KIF3A: variants seen among roughly 807,000 people sequenced by gnomAD.
The protein encoded by KIF3A is kinesin-like protein KIF3A.
Under a neutral mutation model 92.6 loss-of-function variants are expected in KIF3A, and 27 were observed. The ratio of observed to expected loss-of-function variants is 0.29; its 90% CI spans 0.21 to 0.40. The LOEUF is 0.40. Ranked by LOEUF, KIF3A falls within the 10% of genes least tolerant of loss-of-function variation. KIF3A has a pLI of 1.00. For synonymous variants in KIF3A, 250 were observed against 275.4 expected (o/e 0.91, Z 0.92); for missense variants, 581 against 872.6 (o/e 0.67, Z 4.21).
At chr5:132,700,335 TA>T in intron 16 of KIF3A, 51 bp from the exon 17 acceptor site, 1 of 1,050,512 alleles carries the variant, frequency 9.5e-7, no homozygotes, top group African/African-American at 1.6e-5. Context: ...TAGTAATCAA[TA>T]CTGTGAGTTA....
Position 132,716,068 on chromosome 5 carries a change from A to C in KIF3A, c.955-137T>G. ...TCTCGAAAATGAGAGTGTCAACCAC[A>C]TGAGTTTCCAAAGGACACTATTATG... On this transcript the variant is annotated intron_variant, in intron 7 of 18. Transcript: ENST00000403231. 3 of 845,190 alleles carry C rather than the reference A, an allele frequency of 3.5e-6. No individual in the cohort carries two copies. The South Asian group carries it at 5.5e-5, about 16-fold the overall frequency. 52.4% of individuals were successfully genotyped at this position (845,190 alleles called of 1,614,324 possible).
At chr5:132,696,761 C>T in intron 18 of KIF3A, 79 bp from the exon 19 acceptor site, 2 of 1,114,554 alleles carry the variant, frequency 1.8e-6, no homozygotes, top group South Asian at 1.3e-5. Context: ...TATATAGAAA[C>T]TATGGGGTGG....
chr5:132,735,023 G>A (rs550955436), intron 1 of KIF3A, among the ~76,000 whole-genome samples: 21 of 152,200 alleles, frequency 1.4e-4, no homozygotes, highest in Middle Eastern at 3.4e-3. Flanking sequence ...AAATGCCTTA[G>A]TATTACCTAA....
intron 8 of KIF3A, 47 bp downstream of exon 8, chr5:132,715,710 A>G: frequency 7.0e-7 from 1 of 1,433,540 alleles, no homozygotes; most frequent in Non-Finnish European, 9.7e-7. Context: ...TGGTTCAACA[A>G]TGTATTTTTA....
At chr5:132,719,772 G>A (rs758373204) in intron 5 of KIF3A, among the ~76,000 whole-genome samples, 26 of 151,880 alleles carry the variant, frequency 1.7e-4, no homozygotes, top group African/African-American at 5.8e-4. Flanking sequence ...GTGAGCCACC[G>A]CGACCAGACT....
chr5:132,706,052 C>T lies in KIF3A; in HGVS notation c.1309+399G>A, dbSNP rs544284085. Among the ~76,000 whole-genome samples the T allele has an allele frequency of 1.6e-3, 246 of 152,130 alleles. 3 individuals carry two copies. The highest frequency in any genetic ancestry group is 5.7e-3 in the African/African-American group (238 of 41,556). On this transcript the variant is annotated intron_variant, in intron 11 of 18. Transcript: ENST00000403231. ...TTTTTTTATTGCCCTTTGCCATGTGCTCTAACCAATATTGTGAACGTTAAC... is the reference window on the plus strand; with the variant it reads ...TTTTTTTATTGCCCTTTGCCATGTGTTCTAACCAATATTGTGAACGTTAAC...
At chr5:132,690,767 A>C (rs2149885517), downstream of KIF3A, among the ~76,000 whole-genome samples, 1 of 152,260 alleles carries the variant, frequency 6.6e-6, no homozygotes, top group South Asian at 2.1e-4. Flanking sequence ...CTCTACTAAA[A>C]ATACAAAAAA....
intron 17 of KIF3A, among the ~76,000 whole-genome samples, chr5:132,699,857 C>T (rs888463022): frequency 2.6e-5 from 4 of 152,236 alleles, no homozygotes; most frequent in South Asian, 4.2e-4. Context: ...CCACCACGCC[C>T]GGCCCGCTCC....
chr5:132,718,054 TC>T (rs2149908456), intron 5 of KIF3A, among the ~76,000 whole-genome samples: 1 of 152,288 alleles, frequency 6.6e-6, no homozygotes, highest in South Asian at 2.1e-4. Context: ...ACATTCCTTT[TC>T]CCCAATTTTA....
intron 5 of KIF3A, among the ~76,000 whole-genome samples, chr5:132,718,468 C>A (rs1188257077): frequency 6.6e-6 from 1 of 152,116 alleles, no homozygotes; most frequent in African/African-American, 2.4e-5. Flanking sequence ...CACCACCACG[C>A]CCAGCTAATT....
At chr5:132,710,881 G>A (rs1753397970) in intron 9 of KIF3A, 78 bp downstream of exon 9, 5 of 1,586,082 alleles carry the variant, frequency 3.2e-6, no homozygotes, top group African/African-American at 1.4e-5. Flanking sequence ...ACAGATAACG[G>A]CAAAATAAAA....
At chr5:132,715,053 A>G (rs1216405953) in intron 8 of KIF3A, among the ~76,000 whole-genome samples, 2 of 152,160 alleles carry the variant, frequency 1.3e-5, no homozygotes, top group Non-Finnish European at 2.9e-5. Flanking sequence ...TGATCTAGTC[A>G]GTCTTCTCAC....
At chr5:132,690,652 GCGCGGTGGCT>G (rs1752640016), downstream of KIF3A, among the ~76,000 whole-genome samples, 2 of 93,352 alleles carry the variant, frequency 2.1e-5, no homozygotes, top group Non-Finnish European at 6.6e-5. Context: ...TTCAGGCCGG[GCGCGGTGGCT>G]CATGCCTGTA....
At chr5:132,732,220 G>A (rs1754256311) in intron 2 of KIF3A, among the ~76,000 whole-genome samples, 2 of 152,144 alleles carry the variant, frequency 1.3e-5, no homozygotes, top group Admixed American at 6.5e-5. Flanking sequence ...TTGCTGATGG[G>A]AATATAAAAT....
At chr5:132,713,787 A>C (rs2149904212) in intron 8 of KIF3A, among the ~76,000 whole-genome samples, 1 of 152,328 alleles carries the variant, frequency 6.6e-6, no homozygotes, top group South Asian at 2.1e-4. Flanking sequence ...ATTCAGAATT[A>C]AAAAGAAGTC....
At chr5:132,716,503 C>T in intron 6 of KIF3A, 61 bp from the exon 7 acceptor site, 2 of 1,352,030 alleles carry the variant, frequency 1.5e-6, no homozygotes, top group Non-Finnish European at 2.1e-6. Context: ...ATATTCTTCC[C>T]AAGGTTTTAT....
intron 5 of KIF3A, among the ~76,000 whole-genome samples, chr5:132,718,825 C>T (rs1008923792): frequency 1.3e-5 from 2 of 152,018 alleles, no homozygotes; most frequent in Non-Finnish European, 2.9e-5. Flanking sequence ...GATGGGGTTT[C>T]GCCATGTTGC....
At chr5:132,723,968 C>A (rs1271920674) in intron 4 of KIF3A, among the ~76,000 whole-genome samples, 2 of 152,266 alleles carry the variant, frequency 1.3e-5, no homozygotes, top group South Asian at 4.1e-4. Context: ...AAACAAACAA[C>A]CCCATCAAAA....
chr5:132,698,892 C>T (rs1405331688), intron 18 of KIF3A, among the ~76,000 whole-genome samples: 1 of 152,062 alleles, frequency 6.6e-6, no homozygotes, highest in Non-Finnish European at 1.5e-5. Context: ...CATGCGCCAC[C>T]ATGCCTGGTT....
Sources: gnomAD v4.1 joint callset for allele counts (sites outside exome capture counted in the v4.1 genomes callset) on GRCh38, gnomAD v4.1.1 for gene constraint, MANE v1.5 for transcripts, NCBI Gene and HGNC (gene_info 2026-07-23, HGNC 2026-07-21) for gene names.